The following C1orf185 variants were observed in gnomAD, a reference collection of about 807,000 sequenced individuals.
C1orf185 encodes the protein uncharacterized protein C1orf185.
C1orf185 carries 13 observed loss-of-function variants against 16.1 expected under a neutral mutation model. That is an observed-to-expected ratio of 0.81 (90% CI 0.53 to 1.28). The LOEUF is 1.28. Ranked by LOEUF, C1orf185 falls within the 50% of genes most tolerant of loss-of-function variation. C1orf185 has a pLI of 0.00. For missense variants in C1orf185, 220 were observed against 225.2 expected (o/e 0.98, Z 0.15); for synonymous variants, 80 against 76.9 (o/e 1.04, Z -0.21).
At chr1:51,134,053 C>T (rs1210198503) in intron 3 of C1orf185, among the ~76,000 whole-genome samples, 1 of 152,024 alleles carries the variant, frequency 6.6e-6, no homozygotes, top group Non-Finnish European at 1.5e-5. Flanking sequence ...CTGCACTCCA[C>T]TCTGGATGAC....
At chr1:51,146,180 C>T (rs1020061446) in intron 4 of C1orf185, among the ~76,000 whole-genome samples, 39 of 151,570 alleles carry the variant, frequency 2.6e-4, no homozygotes, top group African/African-American at 9.0e-4. Context: ...ATGTTTAGAC[C>T]AGGCGTGGTG....
intron 3 of C1orf185, among the ~76,000 whole-genome samples, chr1:51,131,294 A>C (rs776289265): frequency 2.6e-5 from 4 of 152,224 alleles, no homozygotes; most frequent in Non-Finnish European, 5.9e-5. Context: ...TTGTTGAAAA[A>C]GTAAACACAA....
chr1:51,112,480 G>T lies in C1orf185; in HGVS notation c.33G>T (p.Leu11Phe). ...TTTGTATAGGTTTTTTTAATTACTTGACCTATTTTCTTGCTGCTGGTGCTG... is the reference window on the plus strand; with the variant it reads ...TTTGTATAGGTTTTTTTAATTACTTTACCTATTTTCTTGCTGCTGGTGCTG... MASPKGFFNYLTYFLAAGAVT... is the reference protein window; with the variant it reads MASPKGFFNYFTYFLAAGAVT... Residue 11 changes from leucine (L) to phenylalanine (F), a missense_variant, in exon 2 of 5, where the codon TTG (leucine) becomes TTT (phenylalanine). Transcript: ENST00000371759. 6.5e-7 allele frequency: 1 copy of T among 1,547,848 alleles called. No individual in the cohort carries two copies. The highest frequency in any genetic ancestry group is 1.2e-5 in the South Asian group (1 of 82,892).
At chr1:51,144,697 A>C (rs760884752) in intron 3 of C1orf185, among the ~76,000 whole-genome samples, 5 of 152,172 alleles carry the variant, frequency 3.3e-5, no homozygotes, top group African/African-American at 7.2e-5. Context: ...TGGGTGACAG[A>C]ATGAGACCCT....
chr1:51,135,366 C>T (rs1439066166), intron 3 of C1orf185, among the ~76,000 whole-genome samples: 2 of 152,032 alleles, frequency 1.3e-5, no homozygotes, highest in African/African-American at 4.8e-5. Flanking sequence ...ATGGAGAAAC[C>T]CCATCTCTAC....
chr1:51,140,132 T>C (rs60487493), intron 3 of C1orf185, among the ~76,000 whole-genome samples: 6,990 of 152,294 alleles, frequency 0.046, 190 homozygotes, highest in African/African-American at 0.056. Context: ...ACAGGTACCA[T>C]ACAGTCAGTG....
rs1646410412 is a variant in C1orf185 at position 51,147,688 on chromosome 1, C to T, written c.517C>T (p.Pro173Ser). 6.4e-7 allele frequency: 1 copy of T among 1,551,080 alleles called. No individual in the cohort carries two copies. The highest frequency in any genetic ancestry group is 8.7e-7 in the Non-Finnish European group (1 of 1,146,752). ...RNSPMPSLGE[P>S]LMEKVFSYLS... ...CTCTCCAATGCCTTCTCTCGGGGAA[C>T]CTCTAATGGAAAAAGTATTTTCATA... Residue 173 changes from proline to serine, a missense_variant, in exon 5 of 5, where the codon CCT becomes TCT. Physicochemically the swap from Pro to Ser is moderately conservative, Grantham distance 74. Transcript: ENST00000371759.
At chr1:51,143,859 T>C (rs1212204622) in intron 3 of C1orf185, among the ~76,000 whole-genome samples, 2 of 152,180 alleles carry the variant, frequency 1.3e-5, no homozygotes, top group Non-Finnish European at 2.9e-5. Flanking sequence ...GATGGGGTTT[T>C]ATTATGTTGC....
At chr1:51,104,743 C>A (rs998908104) in intron 1 of C1orf185, among the ~76,000 whole-genome samples, 6 of 151,994 alleles carry the variant, frequency 3.9e-5, no homozygotes, top group Non-Finnish European at 8.8e-5. Context: ...AGACTTAATC[C>A]CTTTAACTAC....
chr1:51,118,529 G>T (rs954972085), intron 2 of C1orf185, 137 bp from the exon 3 acceptor site: 1 of 507,274 alleles, frequency 2.0e-6, no homozygotes, highest in Non-Finnish European at 3.2e-6. Flanking sequence ...AAATTGACTT[G>T]TGCTTTTAAA....
intron 1 of C1orf185, among the ~76,000 whole-genome samples, chr1:51,111,157 A>G (rs957225256): frequency 2.0e-5 from 3 of 152,008 alleles, no homozygotes; most frequent in African/African-American, 7.2e-5. Context: ...TAGAATTATG[A>G]TAATTTGTAG....
chr1:51,149,125 G>A (rs543691492), downstream of C1orf185, among the ~76,000 whole-genome samples: 3 of 152,048 alleles, frequency 2.0e-5, no homozygotes, highest in African/African-American at 4.8e-5. Flanking sequence ...TCTGACACTC[G>A]CTATGTAATC....
In C1orf185 at chr1:51,118,655, A is replaced by C; in HGVS notation, c.123-11A>C. 7.5e-7 allele frequency: 1 copy of C among 1,330,432 alleles called. No homozygotes were observed. Among genetic ancestry groups the C allele is most frequent in the Non-Finnish European group, 1.0e-6 (1 of 1,004,488 alleles). The allele number at this position is 1,330,432 out of a possible 1,614,324, so 82.4% of individuals were successfully genotyped here. ...CAGGTTTAATAATATTCTTTATAAA[A>C]TATTTTTCAGAGAAATATTTCAAAA... On this transcript the variant is annotated splice_polypyrimidine_tract_variant and intron_variant, in intron 2 of 4. Coordinates refer to ENST00000371759, the MANE Select transcript of C1orf185 (RefSeq NM_001136508.2).
At chr1:51,134,079 C>CA (rs894715151) in intron 3 of C1orf185, among the ~76,000 whole-genome samples, 165 of 146,316 alleles carry the variant, frequency 1.1e-3, no homozygotes, top group East Asian at 6.5e-3. Context: ...AAGACTCTGT[C>CA]AAAAAAAAAA....
At chr1:51,122,129 T>C (rs1327913621) in intron 3 of C1orf185, among the ~76,000 whole-genome samples, 1 of 152,212 alleles carries the variant, frequency 6.6e-6, no homozygotes, top group Non-Finnish European at 1.5e-5. Flanking sequence ...TTATCTGGTA[T>C]TCCATTGTGT....
chr1:51,145,143 T>C (rs1048970314), intron 3 of C1orf185, among the ~76,000 whole-genome samples: 1 of 151,858 alleles, frequency 6.6e-6, no homozygotes, highest in African/African-American at 2.4e-5. Context: ...TTATTTGCTA[T>C]AAAAAAATAT....
chr1:51,136,325 C>T (rs1159655269), intron 3 of C1orf185, among the ~76,000 whole-genome samples: 1 of 150,402 alleles, frequency 6.6e-6, no homozygotes, highest in Non-Finnish European at 1.5e-5. Context: ...TTTATTATTT[C>T]TATTTTGATC....
intron 2 of C1orf185, among the ~76,000 whole-genome samples, chr1:51,118,088 G>C (rs759007619): frequency 6.6e-4 from 101 of 152,028 alleles, no homozygotes; most frequent in Middle Eastern, 6.8e-3. Context: ...TAATTTTTTT[G>C]TATGTGTTTT....
In C1orf185 at chr1:51,105,384, C is replaced by A. The variant is rs1469612056; in HGVS notation, c.16+3135C>A. Among the ~76,000 whole-genome samples the A allele has an allele frequency of 2.0e-5, 3 of 151,984 alleles. No homozygotes were observed. In the East Asian group the frequency reaches 5.8e-4, roughly 29 times the overall value. ...AACTTTCTCCTATCTTTCTATAGAT[C>A]TTCCTATGTCTTTATTTTGTATTAT... is the stretch of plus-strand genomic sequence containing the variant. On this transcript the variant is annotated intron_variant, in intron 1 of 4. Coordinates refer to ENST00000371759, the MANE Select transcript of C1orf185 (RefSeq NM_001136508.2).
Sources: gnomAD v4.1 joint callset for allele counts (sites outside exome capture counted in the v4.1 genomes callset) on GRCh38, gnomAD v4.1.1 for gene constraint, MANE v1.5 for transcripts, NCBI Gene and HGNC (gene_info 2026-07-23, HGNC 2026-07-21) for gene names.